The following UBR3 variants were observed in gnomAD, a reference collection of about 807,000 sequenced individuals.
UBR3 encodes ubiquitin protein ligase E3 component n-recognin 3.
In UBR3, 85 loss-of-function variants were observed where a neutral mutation model predicts 243.2. That is an observed-to-expected ratio of 0.35 (90% CI 0.29 to 0.42). The LOEUF is 0.42. UBR3 is among the 10% of genes least tolerant of loss of function. The pLI, the probability that UBR3 is intolerant of heterozygous loss-of-function variation, is 1.00. For synonymous variants in UBR3, 748 were observed against 799.8 expected (o/e 0.94, Z 1.09); for missense variants, 1,686 against 2,300.8 (o/e 0.73, Z 5.47).
intron 24 of UBR3, among the ~76,000 whole-genome samples, chr2:169,975,738 A>C (rs2088404314): frequency 1.3e-5 from 2 of 152,134 alleles, no homozygotes. Flanking sequence ...ACATGAGGCT[A>C]GGAGTTCAAG....
At chr2:170,009,395 A>C (rs972587778) in intron 29 of UBR3, among the ~76,000 whole-genome samples, 1 of 152,166 alleles carries the variant, frequency 6.6e-6, no homozygotes, top group East Asian at 1.9e-4. Context: ...AGTTTAGAAG[A>C]ATCAGATAAG....
rs114522267 is a variant in UBR3 at position 169,851,281 on chromosome 2, T to C, written c.546-20955T>C. On this transcript the variant is annotated intron_variant, in intron 1 of 38. Transcript: ENST00000272793. ...CTAGGAACACAGGTGTGTGCCACCATGTTTGGCTAATTTTTGTATTTTTTG... is the reference window on the plus strand; with the variant it reads ...CTAGGAACACAGGTGTGTGCCACCACGTTTGGCTAATTTTTGTATTTTTTG... Among the ~76,000 whole-genome samples the C allele has an allele frequency of 2.4e-3, 364 of 152,228 alleles. 2 individuals are homozygous for C. The highest frequency in any genetic ancestry group is 8.5e-3 in the African/African-American group (353 of 41,540).
chr2:169,902,407 C>G (rs1200574258), intron 8 of UBR3, among the ~76,000 whole-genome samples: 1 of 152,172 alleles, frequency 6.6e-6, no homozygotes, highest in Non-Finnish European at 1.5e-5. Flanking sequence ...ACTCTAAAGT[C>G]CTGACGCTGG....
At chr2:169,922,445 G>A (rs532550809) in intron 11 of UBR3, among the ~76,000 whole-genome samples, 2 of 151,630 alleles carry the variant, frequency 1.3e-5, no homozygotes, top group Admixed American at 1.3e-4. Flanking sequence ...ATTTTTAATT[G>A]TGGTAAAATA....
intron 1 of UBR3, among the ~76,000 whole-genome samples, chr2:169,832,183 C>T (rs960957583): frequency 5.9e-5 from 9 of 152,162 alleles, no homozygotes; most frequent in African/African-American, 2.2e-4. Context: ...AGCAGATATA[C>T]AAACCAAAGG....
chr2:169,979,994 A>C (rs2088643629), intron 24 of UBR3, among the ~76,000 whole-genome samples: 1 of 152,248 alleles, frequency 6.6e-6, no homozygotes, highest in Non-Finnish European at 1.5e-5. Context: ...AAACAACCTC[A>C]CTGAAAAGAG....
intron 1 of UBR3, among the ~76,000 whole-genome samples, chr2:169,842,428 G>A (rs1468530207): frequency 6.6e-6 from 1 of 152,158 alleles, no homozygotes; most frequent in Admixed American, 6.5e-5. Context: ...AAAGCAGGCT[G>A]CCCTAGCCAG....
intron 31 of UBR3, among the ~76,000 whole-genome samples, chr2:170,034,598 G>C (rs771105237): frequency 6.6e-6 from 1 of 150,648 alleles, no homozygotes; most frequent in African/African-American, 2.4e-5. Flanking sequence ...TGGTTGCTTC[G>C]AAGTTTTGGC....
At chr2:169,848,505 C>CT (rs1401908220) in intron 1 of UBR3, among the ~76,000 whole-genome samples, 1 of 151,482 alleles carries the variant, frequency 6.6e-6, no homozygotes, top group Non-Finnish European at 1.5e-5. Flanking sequence ...GTTATATTTA[C>CT]TTTTTTATAT....
At chr2:170,061,488 G>A in intron 35 of UBR3, 45 bp downstream of exon 35, 1 of 1,558,674 alleles carries the variant, frequency 6.4e-7, no homozygotes, top group Non-Finnish European at 8.7e-7. Flanking sequence ...TTTTTTTTCA[G>A]ATGGAGTCTC....
chr2:169,859,802 C>T (rs887142072), intron 1 of UBR3, among the ~76,000 whole-genome samples: 32 of 152,070 alleles, frequency 2.1e-4, no homozygotes, highest in African/African-American at 7.7e-4. Context: ...CTGCAACCTC[C>T]GCCTCCTGGG....
intron 24 of UBR3, among the ~76,000 whole-genome samples, chr2:169,983,553 C>T (rs541835190): frequency 1.1e-4 from 16 of 152,180 alleles, no homozygotes; most frequent in African/African-American, 2.9e-4. Context: ...TGAGCCACTG[C>T]GCCCATCCTC....
chr2:169,907,628 A>G (rs1478917853), intron 10 of UBR3, among the ~76,000 whole-genome samples: 2 of 152,068 alleles, frequency 1.3e-5, no homozygotes, highest in East Asian at 1.9e-4. Context: ...TCTAAGCTCT[A>G]TATATCTCCC....
chr2:169,832,830 G>A (rs1304434943), intron 1 of UBR3, among the ~76,000 whole-genome samples: 1 of 151,896 alleles, frequency 6.6e-6, no homozygotes, highest in Non-Finnish European at 1.5e-5. Flanking sequence ...CTACTCTGGA[G>A]GCTGAGACAG....
chr2:169,850,597 C>T (rs943952565), intron 1 of UBR3, among the ~76,000 whole-genome samples: 7 of 152,244 alleles, frequency 4.6e-5, no homozygotes, highest in African/African-American at 1.2e-4. Flanking sequence ...GTAATCCCAG[C>T]GCTTTGGGAG....
intron 8 of UBR3, among the ~76,000 whole-genome samples, chr2:169,898,650 A>G (rs1206250628): frequency 6.7e-6 from 1 of 150,188 alleles, no homozygotes; most frequent in Non-Finnish European, 1.5e-5. Flanking sequence ...TATTTACATT[A>G]AAGAATATAC....
intron 33 of UBR3, among the ~76,000 whole-genome samples, chr2:170,058,950 C>A (rs1374206816): frequency 6.6e-6 from 1 of 152,066 alleles, no homozygotes; most frequent in Non-Finnish European, 1.5e-5. Flanking sequence ...AGTATTCTAC[C>A]CAGCACAGAC....
intron 19 of UBR3, among the ~76,000 whole-genome samples, chr2:169,934,118 TATCTC>T (rs1033051545): frequency 1.5e-4 from 23 of 152,354 alleles, no homozygotes; most frequent in African/African-American, 5.3e-4. Context: ...CTTTAATACT[TATCTC>T]AATTCTGGCA....
intron 18 of UBR3, among the ~76,000 whole-genome samples, chr2:169,929,093 A>G (rs2105348389): frequency 1.3e-5 from 2 of 152,316 alleles, no homozygotes. Context: ...ATGACTCTAA[A>G]CTATAAAGGA....
Sources: gnomAD v4.1 joint callset for allele counts (sites outside exome capture counted in the v4.1 genomes callset) on GRCh38, gnomAD v4.1.1 for gene constraint, MANE v1.5 for transcripts, NCBI Gene and HGNC (gene_info 2026-07-23, HGNC 2026-07-21) for gene names.